Variants in OSBPL9 observed in about 807,000 individuals in gnomAD.
The protein encoded by OSBPL9 is oxysterol-binding protein-related protein 9.
A neutral mutation model predicts 106.6 loss-of-function variants in OSBPL9; 40 were observed. That is an observed-to-expected ratio of 0.38 (90% CI 0.29 to 0.49). The LOEUF is 0.49. OSBPL9 is among the 20% of genes least tolerant of loss of function. OSBPL9 has a pLI of 0.97. For missense variants in OSBPL9, 609 were observed against 887.2 expected, an observed-to-expected ratio of 0.69 and a Z score of 3.98; for synonymous variants, 269 against 295.4, an observed-to-expected ratio of 0.91 and a Z score of 0.92.
intron 2 of OSBPL9, among the ~76,000 whole-genome samples, chr1:51,660,326 T>TGAACAAAAAAAGATACCACA (rs1553159874): frequency 1.3e-5 from 2 of 152,054 alleles, no homozygotes. Flanking sequence ...TTAAAACCTT[T>TGAACAAAAAAAGATACCACA]GAACAAAAAA....
rs72896094 is a variant in OSBPL9, at chr1:51,644,778, C to T, written c.112-7213C>T. Among the ~76,000 whole-genome samples the T allele has an allele frequency of 7.2e-3, 1,092 of 152,152 alleles. 10 individuals are homozygous for T. Among genetic ancestry groups the T allele is most frequent in the African/African-American group, 0.025 (1,048 of 41,486 alleles). ...TCTTCCCTCTGCCTGGGACTTTGCCCGCAGATTCTTCACTTTACTCGGTCC... is the reference window on the plus strand; with the variant it reads ...TCTTCCCTCTGCCTGGGACTTTGCCTGCAGATTCTTCACTTTACTCGGTCC... On this transcript the variant is annotated intron_variant, in intron 1 of 23. Coordinates refer to ENST00000428468, the MANE Select transcript of OSBPL9 (RefSeq NM_024586.6).
At chr1:51,612,175 T>A (rs1643992528), upstream of OSBPL9, among the ~76,000 whole-genome samples, 1 of 152,252 alleles carries the variant, frequency 6.6e-6, no homozygotes, top group Non-Finnish European at 1.5e-5. Flanking sequence ...TTCCTATTCT[T>A]CATCCATGCT....
At chr1:51,751,336 T>A (rs1037613139) in intron 8 of OSBPL9, among the ~76,000 whole-genome samples, 1 of 152,078 alleles carries the variant, frequency 6.6e-6, no homozygotes, top group Admixed American at 6.6e-5. Flanking sequence ...GTGCTGGGAT[T>A]ACAGGCGTGA....
intron 3 of OSBPL9, among the ~76,000 whole-genome samples, chr1:51,697,750 A>T (rs1294419385): frequency 6.6e-6 from 1 of 150,736 alleles, no homozygotes; most frequent in East Asian, 1.9e-4. Context: ...ATGTGATTAG[A>T]TATGTAATAA....
chr1:51,638,590 C>T lies in OSBPL9; in HGVS notation c.112-13401C>T, dbSNP rs568532833. ...AAATTTTTTTTAAAGAAAAGAAAGG[C>T]GGGGCACGGTGGCTCATACCTGTAA... On this transcript the variant is annotated intron_variant, in intron 1 of 23. Coordinates refer to ENST00000428468, the MANE Select transcript of OSBPL9 (RefSeq NM_024586.6). 4.6e-5 allele frequency among the ~76,000 whole-genome samples: 7 copies of T among 151,934 alleles called. No individual in the cohort carries two copies. In the South Asian group the frequency reaches 8.3e-4, roughly 18 times the overall value.
intron 4 of OSBPL9, among the ~76,000 whole-genome samples, chr1:51,726,735 G>A (rs1015032844): frequency 1.3e-5 from 2 of 152,086 alleles, no homozygotes; most frequent in African/African-American, 4.8e-5. Context: ...TTAGGCACTG[G>A]TCACTTTATT....
At chr1:51,773,941 C>CGTT (rs3835387) in intron 14 of OSBPL9, among the ~76,000 whole-genome samples, 1,685 of 149,076 alleles carry the variant, frequency 0.011, 18 homozygotes, top group African/African-American at 0.024. Context: ...CAGCTGCTGG[C>CGTT]GTTGTTGTTG....
the OSBPL9 span, among the ~76,000 whole-genome samples, chr1:51,541,880 AC>A: frequency 6.7e-6 from 1 of 149,694 alleles, no homozygotes; most frequent in Non-Finnish European, 1.5e-5. Context: ...ACTCACATTT[AC>A]CCAGCCTTTT....
chr1:51,707,897 T>C, intron 3 of OSBPL9: 1 of 239,206 alleles, frequency 4.2e-6, no homozygotes, highest in South Asian at 6.9e-5. Flanking sequence ...CATTTGATTT[T>C]GGTGGGATCT....
intron 3 of OSBPL9, among the ~76,000 whole-genome samples, chr1:51,680,688 G>A (rs1652360102): frequency 6.6e-6 from 1 of 151,722 alleles, no homozygotes; most frequent in South Asian, 2.1e-4. Flanking sequence ...ACCATGATTT[G>A]TAAAAGTTGC....
At chr1:51,606,918 C>T (rs1348179379) in intron 2 of OSBPL9, among the ~76,000 whole-genome samples, 6 of 151,732 alleles carry the variant, frequency 4.0e-5, no homozygotes, top group Non-Finnish European at 7.4e-5. Flanking sequence ...GGCATGGTGG[C>T]GGGCGCCTGT....
At position 51,721,512 on chromosome 1, in the gene OSBPL9, G is replaced by A. The variant is rs922494867; in HGVS notation, c.318+7433G>A. 2.0e-5 allele frequency among the ~76,000 whole-genome samples: 3 copies of A among 152,224 alleles called. No homozygotes were observed. The East Asian group carries it at 5.8e-4, about 29-fold the overall frequency. ...TTAATTGTATTTAAGGTACAATTTA[G>A]GAGAGTTGCTGAAAAATGAATCTTT... On this transcript the variant is annotated intron_variant, in intron 4 of 23. Transcript: ENST00000428468.
chr1:51,723,977 C>T (rs1328620769), intron 4 of OSBPL9, among the ~76,000 whole-genome samples: 4 of 152,150 alleles, frequency 2.6e-5, no homozygotes, highest in East Asian at 1.9e-4. Context: ...GAGACAGTCT[C>T]GCTATGTCGC....
At chr1:51,731,791 A>AC (rs1664512348) in intron 4 of OSBPL9, among the ~76,000 whole-genome samples, 1 of 151,976 alleles carries the variant, frequency 6.6e-6, no homozygotes, top group South Asian at 2.1e-4. Context: ...AAAAAAAAAA[A>AC]AACTCTTAAA....
At position 51,577,576 on chromosome 1, in the gene OSBPL9, G is replaced by A. The variant is rs947313160; in HGVS notation, c.-423+320G>A. Reference sequence around the variant, plus strand: ...GCGTGAGCCACCACTCCCGGCCCTAGTCTCAGGCATTTCTTTATAGCAATG... The same window carrying A: ...GCGTGAGCCACCACTCCCGGCCCTAATCTCAGGCATTTCTTTATAGCAATG... On this transcript the variant is annotated intron_variant, in intron 1 of 25. Coordinates refer to the OSBPL9 transcript ENST00000371714. Among the ~76,000 whole-genome samples the A allele has an allele frequency of 2.6e-5, 4 of 152,032 alleles. No individual in the cohort carries two copies. In the South Asian group the frequency reaches 6.2e-4, roughly 24 times the overall value.
intron 3 of OSBPL9, among the ~76,000 whole-genome samples, chr1:51,681,171 G>A (rs1037893395): frequency 6.6e-6 from 1 of 152,116 alleles, no homozygotes; most frequent in African/African-American, 2.4e-5. Flanking sequence ...GTAGGTATTA[G>A]TGTGAGGAGT....
chr1:51,551,130 A>T, the OSBPL9 span, among the ~76,000 whole-genome samples: 1 of 152,136 alleles, frequency 6.6e-6, no homozygotes, highest in Admixed American at 6.5e-5. Flanking sequence ...TACAAATCCA[A>T]AGTTTATTTC....
At chr1:51,737,337 A>T (rs1222659936) in intron 4 of OSBPL9, among the ~76,000 whole-genome samples, 1 of 152,096 alleles carries the variant, frequency 6.6e-6, no homozygotes, top group Non-Finnish European at 1.5e-5. Flanking sequence ...AAAAATGTTC[A>T]TAACCTGTAG....
intron 14 of OSBPL9, 40 bp from the exon 15 acceptor site, chr1:51,776,793 G>C: frequency 8.2e-7 from 1 of 1,226,740 alleles, no homozygotes; most frequent in Non-Finnish European, 1.2e-6. Context: ...TATCTGAAGA[G>C]AAATTTGATC....
Sources: allele counts gnomAD v4.1 joint callset (sites outside exome capture counted in the v4.1 genomes callset), GRCh38; gene constraint gnomAD v4.1.1; transcripts MANE v1.5; gene names NCBI Gene and HGNC (gene_info 2026-07-23, HGNC 2026-07-21).